MLLT10: variants seen among roughly 807,000 people sequenced by gnomAD.
MLLT10 encodes the protein protein AF-10.
In MLLT10, 30 loss-of-function variants were observed where a neutral mutation model predicts 129.1. The ratio of observed to expected loss-of-function variants is 0.23; its 90% confidence interval spans 0.17 to 0.32. MLLT10 has a LOEUF of 0.32. Ranked by LOEUF, MLLT10 falls within the 10% of genes least tolerant of loss-of-function variation. The pLI is 1.00. For synonymous variants in MLLT10, 490 were observed against 446.4 expected, an observed-to-expected ratio of 1.10 and a Z score of -1.23; for missense variants, 1,119 against 1,268.3, an observed-to-expected ratio of 0.88 and a Z score of 1.79.
intron 4 of MLLT10, among the ~76,000 whole-genome samples, chr10:21,592,983 T>C (rs1380080768): frequency 1.3e-5 from 2 of 152,194 alleles, no homozygotes; most frequent in Admixed American, 6.6e-5. Flanking sequence ...ATGTGTCTTA[T>C]TCCATTTTTT....
chr10:21,665,352 G>A (rs1236294997), intron 9 of MLLT10, among the ~76,000 whole-genome samples: 6 of 148,912 alleles, frequency 4.0e-5, no homozygotes, highest in Admixed American at 2.0e-4. Context: ...GCAATGGCAC[G>A]ATTTTGGCTT....
rs1267941479 is a variant in MLLT10, at chr10:21,570,406, A to G, written c.241-15888A>G. On this transcript the variant is annotated intron_variant, in intron 3 of 22. Transcript: ENST00000307729. ...TCATGTTTCCAGTGACTGATAGTTC[A>G]TTAAAAGAGTGCCCTGTTATACATG... Among the ~76,000 whole-genome samples, 4 of 152,320 alleles carry G rather than the reference A, an allele frequency of 2.6e-5. No individual in the cohort carries two copies. The South Asian group carries it at 8.3e-4, about 32-fold the overall frequency.
At chr10:21,551,289 CTTTTTTTTT>C (rs11461905) in intron 3 of MLLT10, among the ~76,000 whole-genome samples, 40 of 91,962 alleles carry the variant, frequency 4.3e-4, no homozygotes, top group African/African-American at 2.1e-3. Context: ...CGGATTGTAC[CTTTTTTTTT>C]TTTTTTTTTT....
At chr10:21,579,476 C>G (rs1489054274) in intron 3 of MLLT10, among the ~76,000 whole-genome samples, 3 of 148,376 alleles carry the variant, frequency 2.0e-5, no homozygotes, top group African/African-American at 7.4e-5. Context: ...GCATGTGAGA[C>G]CTTTTGGTAC....
At chr10:21,616,760 C>T (rs1025192251) in intron 7 of MLLT10, among the ~76,000 whole-genome samples, 1 of 151,918 alleles carries the variant, frequency 6.6e-6, no homozygotes, top group Non-Finnish European at 1.5e-5. Flanking sequence ...CCTTTCTATT[C>T]TTCTAGTCTT....
intron 14 of MLLT10, among the ~76,000 whole-genome samples, chr10:21,723,173 G>T (rs1266513189): frequency 2.6e-5 from 4 of 151,340 alleles, no homozygotes; most frequent in African/African-American, 9.7e-5. Context: ...ATCTTTTTTT[G>T]ATGATCATCA....
chr10:21,623,922 C>CTT (rs143087513), intron 8 of MLLT10, among the ~76,000 whole-genome samples: 1 of 150,884 alleles, frequency 6.6e-6, no homozygotes, highest in African/African-American at 2.4e-5. Context: ...ATCTATGGTT[C>CTT]TTTTTTTTTA....
rs2057922243 is a variant in MLLT10 at position 21,730,976 on chromosome 10, G to C, written c.2140G>C (p.Ala714Pro). 6.2e-7 allele frequency: 1 copy of C among 1,614,072 alleles called. No individual in the cohort carries two copies. Among genetic ancestry groups the C allele is most frequent in the African/African-American group, 1.3e-5 (1 of 74,936 alleles). ...SSLENLPPVAASIEQLLERQW... is the reference protein window; with the variant it reads ...SSLENLPPVAPSIEQLLERQW... ...TTTGGAAAATCTGCCTCCAGTAGCA[G>C]CCAGCATAGAACAGCTTTTGGAGAG... The change falls in exon 17 of 23, where the codon GCC becomes CCC. Residue 714 changes from alanine (A) to proline (P), a missense_variant. By Grantham distance (27) the Ala-to-Pro change is conservative (BLOSUM62 -1). This residue lies in a region of MLLT10 where 1,004 missense variants were observed against 1,008.7 expected (regional missense o/e 1.00). Transcript: ENST00000307729.
At chr10:21,701,391 T>A (rs1003376896) in intron 13 of MLLT10, among the ~76,000 whole-genome samples, 1 of 151,944 alleles carries the variant, frequency 6.6e-6, no homozygotes, top group Non-Finnish European at 1.5e-5. Flanking sequence ...TCTAGTTCCT[T>A]GAGGTGCATC....
intron 13 of MLLT10, among the ~76,000 whole-genome samples, chr10:21,700,743 T>C (rs1268787734): frequency 6.6e-6 from 1 of 152,180 alleles, no homozygotes; most frequent in East Asian, 1.9e-4. Flanking sequence ...TTCGGTTTGC[T>C]AGCATTTTGT....
intron 11 of MLLT10, 63 bp downstream of exon 11, chr10:21,673,982 A>C: frequency 2.3e-6 from 3 of 1,302,508 alleles, no homozygotes; most frequent in Non-Finnish European, 3.1e-6. Flanking sequence ...TTCTGTCCCA[A>C]AACGTTTTCA....
rs2044603244 is a variant in MLLT10, at chr10:21,611,126, A to G, written c.406-1222A>G. On this transcript the variant is annotated intron_variant, in intron 5 of 22. Transcript: ENST00000307729. ...ACTCTCCTGCCTCAGCCTCCTGAGT[A>G]GCTGGGATTACAGGCATCTGCCACC... Among the ~76,000 whole-genome samples, 3 of 148,550 alleles carry G rather than the reference A, an allele frequency of 2.0e-5. No homozygotes were observed. The South Asian group carries it at 6.3e-4, about 31-fold the overall frequency.
intron 9 of MLLT10, among the ~76,000 whole-genome samples, chr10:21,660,365 C>T (rs1482231569): frequency 6.6e-6 from 1 of 151,576 alleles, no homozygotes; most frequent in Non-Finnish European, 1.5e-5. Context: ...GCCTGTATCC[C>T]AGCACTTTAG....
intron 22 of MLLT10, 46 bp from the exon 23 acceptor site, chr10:21,741,893 C>T (rs1244886275): frequency 1.9e-6 from 3 of 1,582,166 alleles, no homozygotes; most frequent in East Asian, 4.5e-5. Flanking sequence ...AGAATATTAT[C>T]AAAAGTTGAT....
intron 5 of MLLT10, among the ~76,000 whole-genome samples, chr10:21,596,985 T>C (rs1457026097): frequency 1.3e-5 from 2 of 152,170 alleles, no homozygotes; most frequent in Non-Finnish European, 2.9e-5. Flanking sequence ...CTGCCTTTGA[T>C]GCTGTGCAAA....
At chr10:21,578,939 A>G (rs1366736557) in intron 3 of MLLT10, among the ~76,000 whole-genome samples, 1 of 152,220 alleles carries the variant, frequency 6.6e-6, no homozygotes, top group Non-Finnish European at 1.5e-5. Context: ...TTCTAAGTTT[A>G]CCCAGATATT....
chr10:21,614,971 A>G, intron 7 of MLLT10, 47 bp downstream of exon 7: 1 of 1,445,970 alleles, frequency 6.9e-7, no homozygotes, highest in Non-Finnish European at 9.6e-7. Flanking sequence ...ATTAGTTTTG[A>G]CAATAGAATG....
chr10:21,635,952 T>C (rs991349600), intron 8 of MLLT10, among the ~76,000 whole-genome samples: 4 of 149,590 alleles, frequency 2.7e-5, no homozygotes, highest in Non-Finnish European at 4.4e-5. Context: ...TTTTTTACAT[T>C]GCTCTGTTTA....
chr10:21,622,462 C>G (rs946948866), intron 8 of MLLT10, among the ~76,000 whole-genome samples: 11 of 151,918 alleles, frequency 7.2e-5, no homozygotes, highest in Non-Finnish European at 1.5e-4. Flanking sequence ...ACCACCCAGG[C>G]TGATTAAAGG....
Sources: gnomAD v4.1 joint callset for allele counts (sites outside exome capture counted in the v4.1 genomes callset) on GRCh38, gnomAD v4.1.1 for gene constraint, gnomAD v4.1.1 regional missense constraint, MANE v1.5 for transcripts, NCBI Gene and HGNC (gene_info 2026-07-23, HGNC 2026-07-21) for gene names.